The following RNF111 variants were observed in gnomAD, a reference collection of about 807,000 sequenced individuals.
RNF111 encodes ring finger protein 111.
RNF111 carries 17 observed loss-of-function variants against 95.1 expected under a neutral mutation model. The ratio of observed to expected loss-of-function variants is 0.18; its 90% CI spans 0.12 to 0.27. The LOEUF (loss-of-function observed/expected upper bound fraction) is 0.27, where lower values mean the gene tolerates loss of function less well. Ranked by LOEUF, RNF111 falls within the 10% of genes least tolerant of loss-of-function variation. The pLI, the probability that RNF111 is intolerant of heterozygous loss-of-function variation, is 1.00. For synonymous variants in RNF111, 440 were observed against 414.8 expected (o/e 1.06, Z -0.74); for missense variants, 1,189 against 1,210.4 (o/e 0.98, Z 0.26).
At position 59,045,315 on chromosome 15, in the gene RNF111, C is replaced by T. The variant is rs997442441; in HGVS notation, c.881-6990C>T. ...AAGTGATTCTCCTGCCTCAGCCTCCCGAGTAGCTGGGACTACAGGCACCTG... is the reference window on the plus strand; with the variant it reads ...AAGTGATTCTCCTGCCTCAGCCTCCTGAGTAGCTGGGACTACAGGCACCTG... On this transcript the variant is annotated intron_variant, in intron 2 of 13. Coordinates refer to ENST00000348370, the MANE Select transcript of RNF111 (RefSeq NM_017610.8). Among the ~76,000 whole-genome samples, 7 of 151,920 alleles carry T rather than the reference C, an allele frequency of 4.6e-5. No individual in the cohort carries two copies. In the East Asian group the frequency reaches 5.8e-4, roughly 13 times the overall value.
In RNF111 at chr15:59,064,794, CAG is replaced by C. The variant is rs538043914; in HGVS notation, c.1367-1967_1367-1966del. Among the ~76,000 whole-genome samples the C allele has an allele frequency of 5.3e-5, 8 of 151,828 alleles. No homozygotes were observed. The East Asian group carries it at 1.6e-3, about 30-fold the overall frequency. Reference sequence around the variant, plus strand: ...AATTTAGATTAGAGCTACTGTGTAACAGAGGTTAGAGCACAGACCTTGAAGAG... The same window carrying C: ...AATTTAGATTAGAGCTACTGTGTAACAGGTTAGAGCACAGACCTTGAAGAG... On this transcript the variant is annotated intron_variant, in intron 5 of 13. Coordinates refer to ENST00000348370, the MANE Select transcript of RNF111 (RefSeq NM_017610.8).
intron 13 of RNF111, chr15:59,093,381 T>C: frequency 2.3e-6 from 1 of 427,682 alleles, no homozygotes; most frequent in Non-Finnish European, 4.6e-6. Context: ...GGAGATGGTC[T>C]CCTTCTGTTG....
At chr15:59,075,406 A>G (rs2043122887) in intron 6 of RNF111, among the ~76,000 whole-genome samples, 1 of 152,256 alleles carries the variant, frequency 6.6e-6, no homozygotes, top group Non-Finnish European at 1.5e-5. Flanking sequence ...TTCATGATTT[A>G]GTCTGAAAAA....
chr15:59,043,043 T>C (rs1490312331), intron 2 of RNF111, among the ~76,000 whole-genome samples: 3 of 152,332 alleles, frequency 2.0e-5, no homozygotes, highest in Admixed American at 1.3e-4. Flanking sequence ...TCTAGTTTTG[T>C]ATCTTGCAGA....
chr15:59,032,431 TG>T (rs2040957210), intron 2 of RNF111, among the ~76,000 whole-genome samples: 2 of 152,184 alleles, frequency 1.3e-5, no homozygotes, highest in Admixed American at 6.5e-5. Flanking sequence ...TTTTTTCCTT[TG>T]TTTTTTTGAG....
At chr15:58,991,835 T>C (rs569071267) in intron 1 of RNF111, among the ~76,000 whole-genome samples, 18 of 152,224 alleles carry the variant, frequency 1.2e-4, no homozygotes, top group Admixed American at 2.0e-4. Flanking sequence ...TTGGTGTTGT[T>C]TAAACCCTGA....
intron 4 of RNF111, among the ~76,000 whole-genome samples, chr15:59,056,300 T>C (rs1210521016): frequency 2.0e-5 from 3 of 152,210 alleles, no homozygotes; most frequent in African/African-American, 4.8e-5. Flanking sequence ...TTTGTGCTGC[T>C]CATTTTTTGT....
intron 9 of RNF111, 57 bp downstream of exon 9, chr15:59,084,311 G>A (rs2140194104): frequency 2.1e-6 from 3 of 1,425,538 alleles, no homozygotes; most frequent in Admixed American, 4.6e-5. Flanking sequence ...AAAACTATTG[G>A]AAGAGATGCC....
rs532974778 is a variant in RNF111 at position 59,065,208 on chromosome 15, C to G, written c.1367-1556C>G. Among the ~76,000 whole-genome samples the G allele has an allele frequency of 2.6e-5, 4 of 152,186 alleles. 1 individual carries two copies. Among genetic ancestry groups the G allele is most frequent in the African/African-American group, 9.6e-5 (4 of 41,528 alleles). ...GGATGGCAGCAGGGCGGGGCTTTGG[C>G]TTTAGGCTCTTCACTCTTGTAATTT... is the stretch of plus-strand genomic sequence containing the variant. On this transcript the variant is annotated intron_variant, in intron 5 of 13. Transcript: ENST00000348370.
intron 1 of RNF111, among the ~76,000 whole-genome samples, chr15:59,004,481 T>C (rs1259069290): frequency 6.6e-6 from 1 of 152,214 alleles, no homozygotes; most frequent in South Asian, 2.1e-4. Flanking sequence ...ATCACCTTGA[T>C]CAGTGACGTA....
intron 1 of RNF111, among the ~76,000 whole-genome samples, chr15:59,013,594 A>C (rs1166740672): frequency 6.6e-6 from 1 of 152,162 alleles, no homozygotes; most frequent in Non-Finnish European, 1.5e-5. Context: ...TGATTTGATC[A>C]ATTGTGATCA....
Position 59,070,059 on chromosome 15 carries a change from T to TTTTTA in RNF111, c.1686+2976_1686+2977insTTTTA, listed in dbSNP as rs1555398688. On this transcript the variant is annotated intron_variant, in intron 6 of 13. Coordinates refer to ENST00000348370, the MANE Select transcript of RNF111 (RefSeq NM_017610.8). ...TTTTTTTTTTTTTTTTTTTTTTTTT[T>TTTTTA]AGAGAGGATCTTGCCTTGTTTCTCA... is the stretch of plus-strand genomic sequence containing the variant. 7.0e-5 allele frequency among the ~76,000 whole-genome samples: 7 copies of TTTTTA among 100,698 alleles called. 1 individual carries two copies. The highest frequency in any genetic ancestry group is 2.6e-4 in the African/African-American group (7 of 26,546). 66.1% of individuals were successfully genotyped at this position (100,698 alleles called of 152,430 possible).
At chr15:59,047,804 A>T (rs1486190283) in intron 2 of RNF111, among the ~76,000 whole-genome samples, 2 of 152,118 alleles carry the variant, frequency 1.3e-5, no homozygotes, top group Non-Finnish European at 2.9e-5. Flanking sequence ...TGAACTCCTT[A>T]GCTCGAGCAA....
At chr15:58,995,619 G>A (rs1240205847) in intron 1 of RNF111, among the ~76,000 whole-genome samples, 1 of 151,576 alleles carries the variant, frequency 6.6e-6, no homozygotes, top group South Asian at 2.1e-4. Flanking sequence ...CACCATGCCC[G>A]GCTAATTTTT....
chr15:59,016,706 A>G (rs1195212794), intron 1 of RNF111, among the ~76,000 whole-genome samples: 2 of 152,168 alleles, frequency 1.3e-5, no homozygotes, highest in East Asian at 3.8e-4. Context: ...AGTTCTGTAT[A>G]GCAGGGTTCC....
intron 7 of RNF111, among the ~76,000 whole-genome samples, chr15:59,078,036 A>G (rs182416213): frequency 1.6e-4 from 24 of 152,348 alleles, no homozygotes; most frequent in Middle Eastern, 3.4e-3. Flanking sequence ...ACAATATGGC[A>G]TAGTAGAGCA....
intron 5 of RNF111, among the ~76,000 whole-genome samples, chr15:59,059,129 T>TA (rs1177474584): frequency 6.6e-6 from 1 of 151,410 alleles, no homozygotes; most frequent in African/African-American, 2.4e-5. Flanking sequence ...ATTTAAAAAA[T>TA]AAAAAAGTAA....
intron 9 of RNF111, 71 bp from the exon 10 acceptor site, chr15:59,085,588 C>T: frequency 7.3e-7 from 1 of 1,363,760 alleles, no homozygotes; most frequent in Admixed American, 2.5e-5. Flanking sequence ...TAAGTGTAAA[C>T]ATAACTCCCC....
At position 59,031,612 on chromosome 15, in the gene RNF111, G is replaced by A. The variant is rs762855221; in HGVS notation, c.790G>A (p.Glu264Lys). The A allele has an allele frequency of 7.2e-5, 117 of 1,614,030 alleles. No homozygotes were observed. Among genetic ancestry groups the A allele is most frequent in the Non-Finnish European group, 9.7e-5 (115 of 1,180,010 alleles). Residue 264 changes from glutamate (E) to lysine (K), a missense_variant, in exon 2 of 14, where the codon GAA (glutamate) becomes AAA (lysine). Glu to Lys is a moderately conservative substitution (Grantham distance 56). Around this residue, in one of 2 missense-constraint regions of RNF111, gnomAD observed 1,024 missense variants for 925.9 expected, o/e 1.11. Coordinates refer to ENST00000348370, the MANE Select transcript of RNF111 (RefSeq NM_017610.8). ...TTCCAGTGAGAATGACCTCAGCAGT[G>A]AATCCTCTTCTAGCTCATCAACTGA... ...SSSSENDLSS[E>K]SSSSSSTEGE...
Sources: gnomAD v4.1 joint callset for allele counts (sites outside exome capture counted in the v4.1 genomes callset) on GRCh38, gnomAD v4.1.1 for gene constraint, gnomAD v4.1.1 regional missense constraint, MANE v1.5 for transcripts, NCBI Gene and HGNC (gene_info 2026-07-23, HGNC 2026-07-21) for gene names.